Variants in GTF2I observed in about 807,000 individuals in gnomAD.
GTF2I encodes the protein general transcription factor IIi, also known as general transcription factor II-I.
A neutral mutation model predicts 67.6 loss-of-function variants in GTF2I; 12 were observed. That is an observed-to-expected ratio of 0.18 (90% CI 0.11 to 0.29). The LOEUF (loss-of-function observed/expected upper bound fraction) is 0.29, where lower values mean the gene tolerates loss of function less well. GTF2I is among the 10% of genes least tolerant of loss of function. The pLI is 1.00. For missense variants in GTF2I, 271 were observed against 580.1 expected, an observed-to-expected ratio of 0.47 and a Z score of 5.47; for synonymous variants, 149 against 197.0, an observed-to-expected ratio of 0.76 and a Z score of 2.04.
intron 3 of GTF2I, among the ~76,000 whole-genome samples, chr7:74,697,255 A>G (rs1455471618): frequency 6.6e-6 from 1 of 151,774 alleles, no homozygotes; most frequent in East Asian, 1.9e-4. Flanking sequence ...ATTAGCTGGG[A>G]GTGGTGGCGC....
At chr7:74,690,296 A>T (rs1355205253) in intron 2 of GTF2I, among the ~76,000 whole-genome samples, 1 of 152,132 alleles carries the variant, frequency 6.6e-6, no homozygotes, top group Non-Finnish European at 1.5e-5. Flanking sequence ...GGAAAATTGG[A>T]ATCACCAACC....
rs587757321 is a variant in GTF2I at position 74,705,148 on chromosome 7, T to G, written c.587-16T>G. On this transcript the variant is annotated splice_polypyrimidine_tract_variant and intron_variant, in intron 6 of 34. Transcript: ENST00000573035. ...ATGTTGAAAAACTAACTCCAATTTTTTTTTTTTGTATGTAGGTGGTCGTGT... is the reference window on the plus strand; with the variant it reads ...ATGTTGAAAAACTAACTCCAATTTTGTTTTTTTGTATGTAGGTGGTCGTGT... 12 of 1,559,520 alleles carry G rather than the reference T, an allele frequency of 7.7e-6. No individual in the cohort carries two copies. Among genetic ancestry groups the G allele is most frequent in the Non-Finnish European group, 1.1e-5 (12 of 1,133,110 alleles).
intron 15 of GTF2I, 135 bp downstream of exon 15, chr7:74,732,797 A>G: frequency 4.3e-6 from 4 of 931,102 alleles, no homozygotes; most frequent in Non-Finnish European, 6.2e-6. Context: ...TTTATCTTGC[A>G]CTTTTTAATT....
In GTF2I at chr7:74,733,994, T is replaced by G. The variant is rs1290771366; in HGVS notation, c.1363+13T>G. The G allele has an allele frequency of 1.3e-6, 2 of 1,590,710 alleles. No individual in the cohort carries two copies. The highest frequency in any genetic ancestry group is 3.4e-5 in the Admixed American group (2 of 58,882). On this transcript the variant is annotated intron_variant, in intron 16 of 34. Coordinates refer to ENST00000573035, the MANE Select transcript of GTF2I (RefSeq NM_032999.4). ...CCAGCTTCAGGAGGTAGGTCTTCAATCTCGAGGCAGATCAGAAGATTATGT... is the reference window on the plus strand; with the variant it reads ...CCAGCTTCAGGAGGTAGGTCTTCAAGCTCGAGGCAGATCAGAAGATTATGT...
chr7:74,682,852 A>G (rs1787383997), intron 1 of GTF2I, among the ~76,000 whole-genome samples: 1 of 152,250 alleles, frequency 6.6e-6, no homozygotes, highest in Non-Finnish European at 1.5e-5. Context: ...AATATGACTT[A>G]GCAGTAACTA....
chr7:74,730,713 CTTT>C (rs869183139), intron 14 of GTF2I, among the ~76,000 whole-genome samples: 258 of 63,814 alleles, frequency 4.0e-3, no homozygotes, highest in African/African-American at 0.016. Flanking sequence ...CTACTTTTAT[CTTT>C]TTTTTTTTTT....
intron 2 of GTF2I, 121 bp downstream of exon 2, chr7:74,689,348 CTTTTTTTT>C (rs1162860651): frequency 1.9e-3 from 282 of 145,268 alleles, no homozygotes; most frequent in African/African-American, 0.011. Flanking sequence ...TTTTTCTTTA[CTTTTTTTT>C]TTTTTTTTTT....
In GTF2I at chr7:74,681,450, GAAAA is replaced by G. The variant is rs587675813; in HGVS notation, c.-5-7670_-5-7667del. ...ACTCTGTCTCAAAAATAAAAAAAAA[GAAAA>G]AAAGAAAAAAAAATGGGAAAGAAGG... On this transcript the variant is annotated intron_variant, in intron 1 of 34. Coordinates refer to ENST00000573035, the MANE Select transcript of GTF2I (RefSeq NM_032999.4). 4.1e-3 allele frequency among the ~76,000 whole-genome samples: 611 copies of G among 150,700 alleles called. 3 individuals carry two copies. Among genetic ancestry groups the G allele is most frequent in the Non-Finnish European group, 5.0e-3 (341 of 67,654 alleles).
intron 1 of GTF2I, among the ~76,000 whole-genome samples, chr7:74,660,028 A>G (rs1160110310): frequency 6.6e-6 from 1 of 151,842 alleles, no homozygotes; most frequent in Non-Finnish European, 1.5e-5. Context: ...GGGATGACCG[A>G]TTTTATTTCC....
At chr7:74,706,962 A>G (rs1342578938) in intron 8 of GTF2I, among the ~76,000 whole-genome samples, 3 of 152,088 alleles carry the variant, frequency 2.0e-5, no homozygotes, top group African/African-American at 7.2e-5. Flanking sequence ...CGATTCTCCC[A>G]CCTCAGCCTC....
intron 1 of GTF2I, among the ~76,000 whole-genome samples, chr7:74,668,508 GA>G (rs1281002516): frequency 2.5e-4 from 38 of 151,888 alleles, no homozygotes; most frequent in Non-Finnish European, 2.9e-4. Flanking sequence ...ATGCTTTTGA[GA>G]ATTCCTGCTT....
chr7:74,727,870 C>G (rs1448936058), intron 12 of GTF2I: 1 of 152,244 alleles, frequency 6.6e-6, no homozygotes, highest in South Asian at 2.1e-4. Context: ...CTCACAACAG[C>G]GTGTGTGCTG....
chr7:74,737,252 G>A (rs1230398149), intron 18 of GTF2I, among the ~76,000 whole-genome samples: 1 of 149,788 alleles, frequency 6.7e-6, no homozygotes, highest in Non-Finnish European at 1.5e-5. Context: ...CGTTTTTAAG[G>A]GAGAAGGCAA....
At chr7:74,683,942 AT>A (rs1258276362) in intron 1 of GTF2I, among the ~76,000 whole-genome samples, 4 of 150,546 alleles carry the variant, frequency 2.7e-5, no homozygotes, top group South Asian at 2.1e-4. Flanking sequence ...ACCTGGTTTA[AT>A]TTTTTTTTTC....
chr7:74,710,115 A>G (rs587771337), intron 8 of GTF2I, among the ~76,000 whole-genome samples: 1 of 152,330 alleles, frequency 6.6e-6, no homozygotes, highest in South Asian at 2.1e-4. Flanking sequence ...ATTGAAGGCA[A>G]TGGAGTAACT....
At chr7:74,662,329 G>T (rs1318643170) in intron 1 of GTF2I, among the ~76,000 whole-genome samples, 2 of 146,562 alleles carry the variant, frequency 1.4e-5, no homozygotes, top group Non-Finnish European at 3.0e-5. Flanking sequence ...TCCTGCCTCA[G>T]CCTCCGGAGT....
chr7:74,665,545 C>G (rs1804904264), intron 1 of GTF2I, among the ~76,000 whole-genome samples: 1 of 152,176 alleles, frequency 6.6e-6, no homozygotes, highest in Admixed American at 6.6e-5. Flanking sequence ...GCCACCACGC[C>G]TGGCCCCTAT....
intron 10 of GTF2I, chr7:74,716,609 C>G (rs1200928960): frequency 1.1e-5 from 3 of 284,236 alleles, no homozygotes; most frequent in Non-Finnish European, 2.0e-5. Context: ...ATTCCAATAT[C>G]TAGTAATTTT....
At chr7:74,701,073 C>A (rs371365991) in intron 6 of GTF2I, among the ~76,000 whole-genome samples, 8 of 152,272 alleles carry the variant, frequency 5.3e-5, no homozygotes, top group African/African-American at 1.7e-4. Context: ...GCAAGAATGG[C>A]TCTGAGAAAG....
Sources: allele counts gnomAD v4.1 joint callset (sites outside exome capture counted in the v4.1 genomes callset), GRCh38; gene constraint gnomAD v4.1.1; transcripts MANE v1.5; gene names NCBI Gene and HGNC (gene_info 2026-07-23, HGNC 2026-07-21).